The following SPATA17 variants were observed in gnomAD, a reference collection of about 807,000 sequenced individuals.
The protein encoded by SPATA17 is spermatogenesis-associated protein 17.
A neutral mutation model predicts 62.2 loss-of-function variants in SPATA17; 53 were observed. The ratio of observed to expected loss-of-function variants is 0.85; its 90% CI spans 0.68 to 1.07. SPATA17 has a LOEUF of 1.07. Ranked by LOEUF, SPATA17 falls within the 50% of genes least tolerant of loss-of-function variation. The pLI is 0.00. For missense variants in SPATA17, 466 were observed against 425.5 expected (o/e 1.10, Z -0.84); for synonymous variants, 146 against 146.8 (o/e 0.99, Z 0.04).
At chr1:217,679,746 A>G (rs914471758) in intron 4 of SPATA17, among the ~76,000 whole-genome samples, 1 of 152,162 alleles carries the variant, frequency 6.6e-6, no homozygotes, top group Non-Finnish European at 1.5e-5. Context: ...GTCTCTCTAG[A>G]TATGGTTGGT....
Position 217,859,098 on chromosome 1 carries a change from G to T in SPATA17, c.1006-3676G>T, listed in dbSNP as rs1391367553. 4.8e-5 allele frequency among the ~76,000 whole-genome samples: 7 copies of T among 146,158 alleles called. No homozygotes were observed. In the East Asian group the frequency reaches 7.9e-4, roughly 16 times the overall value. The stretch of plus-strand genomic sequence containing the variant: ...ATTTATATATGTAGAAAATTATATA[G>T]AGAGAAATGTTTATATTATACATAA... On this transcript the variant is annotated intron_variant, in intron 9 of 10. Transcript: ENST00000366933.
intron 1 of SPATA17, among the ~76,000 whole-genome samples, chr1:217,639,558 TTAAA>T (rs1162794277): frequency 6.6e-6 from 1 of 152,160 alleles, no homozygotes; most frequent in Admixed American, 6.5e-5. Flanking sequence ...TAATTAAAAA[TTAAA>T]TAAGCATTAT....
At chr1:217,647,317 G>A (rs1201208043) in intron 1 of SPATA17, among the ~76,000 whole-genome samples, 1 of 152,166 alleles carries the variant, frequency 6.6e-6, no homozygotes, top group East Asian at 1.9e-4. Flanking sequence ...TCAATGTTGG[G>A]AGTAGATCTA....
At position 217,791,162 on chromosome 1, in the gene SPATA17, A is replaced by G. The variant is rs115277154; in HGVS notation, c.872+8840A>G. 9.4e-3 allele frequency among the ~76,000 whole-genome samples: 1,434 copies of G among 152,296 alleles called. 28 individuals are homozygous for G. Among genetic ancestry groups the G allele is most frequent in the African/African-American group, 0.032 (1,349 of 41,540 alleles). ...TTAAGTTAAAATACTAAATTAGCTA[A>G]CCCCATTAACACAGAATACTCCAAA... On this transcript the variant is annotated intron_variant, in intron 8 of 10. Transcript: ENST00000366933.
Position 217,746,035 on chromosome 1 carries a change from TTTAC to T in SPATA17, c.519+3941_519+3944del, listed in dbSNP as rs138778899. Among the ~76,000 whole-genome samples, 375 of 152,182 alleles carry T rather than the reference TTTAC, an allele frequency of 2.5e-3. 12 individuals are homozygous for T. In the East Asian group the frequency reaches 0.06, roughly 24 times the overall value. On this transcript the variant is annotated intron_variant, in intron 6 of 10. Transcript: ENST00000366933. ...TTAAGCTGCAGATTTTAAAATATTCTTTACTTAGTTGTTTACAAATTAATTTCAT... is the reference window on the plus strand; with the variant it reads ...TTAAGCTGCAGATTTTAAAATATTCTTTAGTTGTTTACAAATTAATTTCAT...
intron 9 of SPATA17, among the ~76,000 whole-genome samples, chr1:217,832,586 G>A (rs1675170205): frequency 6.6e-6 from 1 of 152,098 alleles, no homozygotes; most frequent in Non-Finnish European, 1.5e-5. Context: ...TGGCTTAGTA[G>A]CATTAAAGTA....
At chr1:217,733,470 C>T (rs1672442918) in intron 5 of SPATA17, among the ~76,000 whole-genome samples, 2 of 152,316 alleles carry the variant, frequency 1.3e-5, no homozygotes, top group Admixed American at 6.5e-5. Context: ...CTTTTCTGAT[C>T]CATCTAATCA....
At chr1:217,693,331 G>A (rs1671383790) in intron 5 of SPATA17, among the ~76,000 whole-genome samples, 1 of 89,212 alleles carries the variant, frequency 1.1e-5, no homozygotes, top group African/African-American at 4.4e-5. Context: ...TGGGATCGGT[G>A]GTGATATCCC....
At chr1:217,735,540 T>G (rs1672493767) in intron 5 of SPATA17, among the ~76,000 whole-genome samples, 1 of 152,174 alleles carries the variant, frequency 6.6e-6, no homozygotes, top group African/African-American at 2.4e-5. Flanking sequence ...AGCAGGACCT[T>G]AGCATTCAGG....
At chr1:217,673,668 C>T (rs1196027965) in intron 4 of SPATA17, among the ~76,000 whole-genome samples, 1 of 152,136 alleles carries the variant, frequency 6.6e-6, no homozygotes, top group African/African-American at 2.4e-5. Flanking sequence ...CTTCTGACAG[C>T]CTTGTGTAAA....
In SPATA17 at chr1:217,800,541, G is replaced by A. The variant is rs570247507; in HGVS notation, c.873-1177G>A. Reference sequence around the variant, plus strand: ...ATAGGCTCTTATGGATACATGGACTGGGACATGAACCTGGGGATTTCATTA... The same window carrying A: ...ATAGGCTCTTATGGATACATGGACTAGGACATGAACCTGGGGATTTCATTA... On this transcript the variant is annotated intron_variant, in intron 8 of 10. Coordinates refer to ENST00000366933, the MANE Select transcript of SPATA17 (RefSeq NM_138796.4). 3.9e-5 allele frequency among the ~76,000 whole-genome samples: 6 copies of A among 152,214 alleles called. No homozygotes were observed. In the South Asian group the frequency reaches 6.2e-4, roughly 16 times the overall value.
intron 5 of SPATA17, among the ~76,000 whole-genome samples, chr1:217,718,052 ATCAGATTAGGAATGTTGT>A (rs1558578247): frequency 6.6e-6 from 1 of 152,214 alleles, no homozygotes; most frequent in East Asian, 1.9e-4. Context: ...CAAGACAAAG[ATCAGATTAGGAATGTTGT>A]TTTGTCTAAT....
At chr1:217,655,510 T>C (rs927542768) in intron 3 of SPATA17, among the ~76,000 whole-genome samples, 1 of 152,182 alleles carries the variant, frequency 6.6e-6, no homozygotes, top group Non-Finnish European at 1.5e-5. Flanking sequence ...ATCTTCTTCC[T>C]CATTAAACTT....
rs557139327 is a variant in SPATA17 at position 217,797,415 on chromosome 1, A to AT, written c.873-4297dup. ...CAGCCCCATACCATCACATCTGGCT[A>AT]TTTTTTATATTTTTAGTAGAGATGA... is the stretch of plus-strand genomic sequence containing the variant. On this transcript the variant is annotated intron_variant, in intron 8 of 10. Coordinates refer to ENST00000366933, the MANE Select transcript of SPATA17 (RefSeq NM_138796.4). Among the ~76,000 whole-genome samples the AT allele has an allele frequency of 3.2e-3, 491 of 151,568 alleles. 3 individuals are homozygous for AT. The highest frequency in any genetic ancestry group is 0.011 in the African/African-American group (449 of 41,296).
chr1:217,723,995 T>C (rs1053535496), intron 5 of SPATA17, among the ~76,000 whole-genome samples: 1 of 152,200 alleles, frequency 6.6e-6, no homozygotes, highest in Non-Finnish European at 1.5e-5. Flanking sequence ...TAAACTGCTT[T>C]TCTAGCTGTT....
intron 9 of SPATA17, among the ~76,000 whole-genome samples, chr1:217,806,589 G>C (rs1223361604): frequency 6.6e-6 from 1 of 152,122 alleles, no homozygotes; most frequent in Non-Finnish European, 1.5e-5. Flanking sequence ...CATCTTAGCT[G>C]GTATAATCTC....
At chr1:217,708,218 A>T (rs985711108) in intron 5 of SPATA17, among the ~76,000 whole-genome samples, 1 of 152,198 alleles carries the variant, frequency 6.6e-6, no homozygotes, top group African/African-American at 2.4e-5. Flanking sequence ...AGCTGAAATG[A>T]AGGAAGTTGA....
At chr1:217,698,861 A>G (rs1214777587) in intron 5 of SPATA17, among the ~76,000 whole-genome samples, 3 of 152,166 alleles carry the variant, frequency 2.0e-5, no homozygotes, top group Non-Finnish European at 2.9e-5. Flanking sequence ...ATTCACTTCT[A>G]TTCTACCACA....
At chr1:217,707,133 G>A (rs1453565265) in intron 5 of SPATA17, among the ~76,000 whole-genome samples, 1 of 152,124 alleles carries the variant, frequency 6.6e-6, no homozygotes, top group Non-Finnish European at 1.5e-5. Flanking sequence ...CCAAAGTGCT[G>A]GGATTACAGA....
Sources: gnomAD v4.1 joint callset for allele counts (sites outside exome capture counted in the v4.1 genomes callset) on GRCh38, gnomAD v4.1.1 for gene constraint, MANE v1.5 for transcripts, NCBI Gene and HGNC (gene_info 2026-07-23, HGNC 2026-07-21) for gene names.